Variants in CCDC81 observed in about 807,000 individuals in gnomAD.
The protein encoded by CCDC81 is coiled-coil domain containing 81.
A neutral mutation model predicts 83.7 loss-of-function variants in CCDC81; 79 were observed. The ratio of observed to expected loss-of-function variants is 0.94; its 90% CI spans 0.79 to 1.14. The LOEUF (loss-of-function observed/expected upper bound fraction) is 1.14. Among genes scored for constraint, CCDC81 ranks in the 50% most tolerant of loss-of-function variants. The probability of loss-of-function intolerance (pLI) is 0.00; values close to 1 mark genes in which losing one functional copy is unlikely to be tolerated. For missense variants in CCDC81, 791 were observed against 778.1 expected (o/e 1.02, Z -0.20); for synonymous variants, 252 against 278.1 (o/e 0.91, Z 0.93).
At chr11:86,389,242 A>G (rs1352479579) in intron 3 of CCDC81, among the ~76,000 whole-genome samples, 1 of 152,032 alleles carries the variant, frequency 6.6e-6, no homozygotes, top group Non-Finnish European at 1.5e-5. Flanking sequence ...CTGCAAAATA[A>G]TAATAATAAT....
intron 3 of CCDC81, among the ~76,000 whole-genome samples, chr11:86,390,072 T>C (rs1279766357): frequency 5.3e-5 from 8 of 151,926 alleles, no homozygotes; most frequent in Non-Finnish European, 1.2e-4. Context: ...GCCACTGCAC[T>C]CCAGCCTGGC....
intron 3 of CCDC81, among the ~76,000 whole-genome samples, chr11:86,388,075 G>A (rs1489825449): frequency 1.3e-5 from 2 of 152,146 alleles, no homozygotes; most frequent in Non-Finnish European, 2.9e-5. Context: ...TCTATCATAT[G>A]TATAATCCAA....
At chr11:86,413,495 T>C (rs778256552) in intron 11 of CCDC81, among the ~76,000 whole-genome samples, 1 of 152,138 alleles carries the variant, frequency 6.6e-6, no homozygotes, top group Non-Finnish European at 1.5e-5. Context: ...CCATATCGTT[T>C]AAAGGGACCA....
chr11:86,409,225 A>G, intron 9 of CCDC81, 36 bp from the exon 10 acceptor site: 1 of 1,133,816 alleles, frequency 8.8e-7, no homozygotes, highest in Non-Finnish European at 1.2e-6. Flanking sequence ...GTAATTTAAA[A>G]TTTAAAAATA....
chr11:86,405,121 T>G (rs943246756), intron 7 of CCDC81, among the ~76,000 whole-genome samples: 2 of 152,178 alleles, frequency 1.3e-5, no homozygotes, highest in African/African-American at 4.8e-5. Flanking sequence ...TTGAGAGAGA[T>G]ATTAAAAATC....
At position 86,409,356 on chromosome 11, in the gene CCDC81, G is replaced by A. The variant is rs553491893; in HGVS notation, c.1209G>A (p.Pro403=). 1.3e-4 allele frequency: 202 copies of A among 1,500,082 alleles called. No individual in the cohort carries two copies. The highest frequency in any genetic ancestry group is 1.7e-4 in the Non-Finnish European group (185 of 1,119,500). The allele number at this position is 1,500,082 out of a possible 1,614,324, so 92.9% of individuals were successfully genotyped here. Residue 403 remains proline, a synonymous_variant, in exon 10 of 15, where the codon CCG becomes CCA. Transcript: ENST00000445632. ...TAAGAAACCACAAGAATGAGAAACC[G>A]GAATTTTATGTAAGTCTTTTAAAAA... ...EAIRNHKNEK[P]EFYKSFLFDK...
chr11:86,400,856 C>A lies in CCDC81; in HGVS notation c.881+55C>A. ...TACTTTACTAAATATATTTTTGAGT[C>A]GTTGCTTGATGCGGGGAACTGTAAT... On this transcript the variant is annotated intron_variant, in intron 7 of 14. Transcript: ENST00000445632. 2.0e-6 allele frequency: 3 copies of A among 1,514,130 alleles called. No homozygotes were observed. In the South Asian group the frequency reaches 3.8e-5, roughly 19 times the overall value. The allele number at this position is 1,514,130 out of a possible 1,614,324, so 93.8% of individuals were successfully genotyped here.
chr11:86,400,108 G>A (rs1948464991), intron 6 of CCDC81, among the ~76,000 whole-genome samples: 2 of 148,390 alleles, frequency 1.3e-5, no homozygotes, highest in Admixed American at 1.3e-4. Context: ...TCCAGCCTGG[G>A]CGACAGAGTC....
intron 7 of CCDC81, among the ~76,000 whole-genome samples, chr11:86,403,547 G>A (rs546854500): frequency 6.6e-6 from 1 of 152,294 alleles, no homozygotes; most frequent in Non-Finnish European, 1.5e-5. Flanking sequence ...AGCAGAGGAA[G>A]AGGTGTAATA....
chr11:86,379,094 C>G (rs7946192), intron 1 of CCDC81, among the ~76,000 whole-genome samples: 458 of 149,674 alleles, frequency 3.1e-3, no homozygotes, highest in African/African-American at 0.011. Flanking sequence ...TTCAGCATAT[C>G]AGTTATACTT....
chr11:86,420,831 G>C lies in CCDC81; in HGVS notation c.1817+778G>C, dbSNP rs545430019. Among the ~76,000 whole-genome samples, 16 of 152,328 alleles carry C rather than the reference G, an allele frequency of 1.1e-4. No homozygotes were observed. In the South Asian group the frequency reaches 2.9e-3, roughly 28 times the overall value. On this transcript the variant is annotated intron_variant, in intron 14 of 14. Coordinates refer to ENST00000445632, the MANE Select transcript of CCDC81 (RefSeq NM_001156474.2). ...ATATTTTGTGACAATGAAAGTATGAGTGATGACGTGGAAAATAGGTTCCAA... is the reference window on the plus strand; with the variant it reads ...ATATTTTGTGACAATGAAAGTATGACTGATGACGTGGAAAATAGGTTCCAA...
At chr11:86,403,793 A>T (rs1948526275) in intron 7 of CCDC81, among the ~76,000 whole-genome samples, 1 of 152,180 alleles carries the variant, frequency 6.6e-6, no homozygotes, top group Non-Finnish European at 1.5e-5. Context: ...GAAGGATAGG[A>T]CTTTCATTGT....
Position 86,375,110 on chromosome 11 carries a change from TAAGA to T in CCDC81, c.-48_-45del. 1 of 1,459,530 alleles carries T rather than the reference TAAGA, an allele frequency of 6.9e-7. No individual in the cohort carries two copies. Among genetic ancestry groups the T allele is most frequent in the South Asian group, 1.1e-5 (1 of 88,010 alleles). 90.4% of individuals were successfully genotyped at this position (1,459,530 alleles called of 1,614,324 possible). Reference sequence around the variant, plus strand: ...AAATTATTTTTGTGCACATTCCATATAAGAAAGAAGAGACCCATCGAACATTCAG... The same window carrying T: ...AAATTATTTTTGTGCACATTCCATATAAGAAGAGACCCATCGAACATTCAG... On this transcript the variant is annotated 5_prime_UTR_variant, in exon 1 of 15. Transcript: ENST00000445632.
chr11:86,394,565 C>T (rs1266144750), intron 4 of CCDC81, among the ~76,000 whole-genome samples: 1 of 152,176 alleles, frequency 6.6e-6, no homozygotes, highest in Non-Finnish European at 1.5e-5. Flanking sequence ...TCCCAAATGA[C>T]CCGTAACTTA....
chr11:86,375,268 G>A (rs1948084148), intron 1 of CCDC81, 26 bp downstream of exon 1: 1 of 1,590,662 alleles, frequency 6.3e-7, no homozygotes, highest in African/African-American at 1.3e-5. Flanking sequence ...AGCAGGGGGT[G>A]GCCCTGGGGA....
At position 86,375,108 on chromosome 11, in the gene CCDC81, T is replaced by C; in HGVS notation, c.-56T>C. On this transcript the variant is annotated 5_prime_UTR_variant, in exon 1 of 15. Coordinates refer to ENST00000445632, the MANE Select transcript of CCDC81 (RefSeq NM_001156474.2). ...GAAAATTATTTTTGTGCACATTCCA[T>C]ATAAGAAAGAAGAGACCCATCGAAC... The C allele has an allele frequency of 2.1e-6, 3 of 1,431,996 alleles. No individual in the cohort carries two copies. 88.7% of individuals were successfully genotyped at this position (1,431,996 alleles called of 1,614,324 possible). A position where few individuals can be genotyped will look rare whatever the true frequency, so the allele number is the denominator to read the frequency against.
chr11:86,384,118 G>T (rs182858145), intron 1 of CCDC81, among the ~76,000 whole-genome samples: 3 of 152,178 alleles, frequency 2.0e-5, no homozygotes, highest in African/African-American at 7.2e-5. Flanking sequence ...GCTTTTAGAG[G>T]TGAAAGACTG....
intron 4 of CCDC81, 116 bp downstream of exon 4, chr11:86,392,913 G>C: frequency 1.9e-6 from 2 of 1,056,814 alleles, no homozygotes; most frequent in African/African-American, 3.2e-5. Flanking sequence ...ACAGTTACCT[G>C]AAGTACATGG....
In CCDC81 at chr11:86,376,414, G is replaced by C. The variant is rs190314080; in HGVS notation, c.79+1172G>C. Reference sequence around the variant, plus strand: ...AATTGACTCACAGTTCTTCATGGCTGGGGGAGCCCTCAGGAAACTTAAAAT... The same window carrying C: ...AATTGACTCACAGTTCTTCATGGCTCGGGGAGCCCTCAGGAAACTTAAAAT... On this transcript the variant is annotated intron_variant, in intron 1 of 14. Transcript: ENST00000445632. 2.8e-4 allele frequency among the ~76,000 whole-genome samples: 42 copies of C among 152,286 alleles called. No homozygotes were observed. In the East Asian group the frequency reaches 6.0e-3, roughly 22 times the overall value.
Sources: allele counts gnomAD v4.1 joint callset (sites outside exome capture counted in the v4.1 genomes callset), GRCh38; gene constraint gnomAD v4.1.1; transcripts MANE v1.5; gene names NCBI Gene and HGNC (gene_info 2026-07-23, HGNC 2026-07-21).